The following GPC6 variants were observed in gnomAD, a reference collection of about 807,000 sequenced individuals.
GPC6 encodes the protein glypican 6.
In GPC6, 14 loss-of-function variants were observed where a neutral mutation model predicts 55.2. The observed-to-expected ratio is 0.25, with a 90% CI of 0.17 to 0.40. The LOEUF (loss-of-function observed/expected upper bound fraction) is 0.40, where lower values mean the gene tolerates loss of function less well. Ranked by LOEUF, GPC6 falls within the 10% of genes least tolerant of loss-of-function variation. The pLI, the probability that GPC6 is intolerant of heterozygous loss-of-function variation, is 1.00. For missense variants in GPC6, 641 were observed against 708.5 expected, an observed-to-expected ratio of 0.90 and a Z score of 1.08; for synonymous variants, 278 against 259.6, an observed-to-expected ratio of 1.07 and a Z score of -0.68.
intron 7 of GPC6, among the ~76,000 whole-genome samples, chr13:94,389,336 G>A (rs1319978627): frequency 6.6e-6 from 1 of 152,126 alleles, no homozygotes; most frequent in East Asian, 1.9e-4. Flanking sequence ...GGCAGTCGGT[G>A]GCCATAATGA....
chr13:93,588,697 A>T (rs1335347288), intron 2 of GPC6, among the ~76,000 whole-genome samples: 1 of 152,120 alleles, frequency 6.6e-6, no homozygotes, highest in Non-Finnish European at 1.5e-5. Flanking sequence ...AATGCCACAC[A>T]CTTTTAAATG....
chr13:94,082,899 T>C (rs1010360471), intron 4 of GPC6, among the ~76,000 whole-genome samples: 4 of 152,210 alleles, frequency 2.6e-5, no homozygotes, highest in Non-Finnish European at 4.4e-5. Flanking sequence ...GGCCAGTCTG[T>C]CCACCCAGAA....
At chr13:93,886,265 A>C (rs535994816) in intron 3 of GPC6, among the ~76,000 whole-genome samples, 1 of 152,188 alleles carries the variant, frequency 6.6e-6, no homozygotes, top group East Asian at 1.9e-4. Context: ...TAGAATGGCA[A>C]GATTACATTG....
intron 1 of GPC6, among the ~76,000 whole-genome samples, chr13:93,231,342 T>G (rs185306460): frequency 0.015 from 554 of 37,954 alleles, 10 homozygotes; most frequent in Admixed American, 0.055. Context: ...TATATATATA[T>G]ATACATATAT....
intron 3 of GPC6, among the ~76,000 whole-genome samples, chr13:93,951,261 C>T (rs1409514563): frequency 6.6e-6 from 1 of 152,054 alleles, no homozygotes; most frequent in Non-Finnish European, 1.5e-5. Context: ...CCTCACCTTG[C>T]CCAGATCAGT....
chr13:93,745,138 T>G (rs1045246521), intron 2 of GPC6, among the ~76,000 whole-genome samples: 4 of 152,090 alleles, frequency 2.6e-5, no homozygotes, highest in Admixed American at 2.6e-4. Context: ...AACCCGATCT[T>G]AGGCTCTCAA....
chr13:93,805,091 A>T (rs375793236), intron 2 of GPC6, among the ~76,000 whole-genome samples: 3 of 152,204 alleles, frequency 2.0e-5, no homozygotes, highest in Admixed American at 2.0e-4. Flanking sequence ...TTAATAGAGA[A>T]ATTGAACCAG....
chr13:93,217,175 T>C, the GPC6 span, among the ~76,000 whole-genome samples: 6 of 152,218 alleles, frequency 3.9e-5, no homozygotes, highest in Middle Eastern at 3.2e-3. Flanking sequence ...CTCTCATTCA[T>C]TATGAAAATA....
At chr13:93,672,213 A>G (rs1266098331) in intron 2 of GPC6, among the ~76,000 whole-genome samples, 8 of 144,504 alleles carry the variant, frequency 5.5e-5, no homozygotes, top group Admixed American at 7.1e-5. Context: ...GTGTGTGTGT[A>G]TATGTGTGTG....
chr13:93,573,176 A>G (rs1196425897), intron 2 of GPC6, among the ~76,000 whole-genome samples: 1 of 152,128 alleles, frequency 6.6e-6, no homozygotes. Context: ...GATAGGTTAT[A>G]TTATATTCAG....
intron 1 of GPC6, among the ~76,000 whole-genome samples, chr13:93,467,247 A>G (rs912867386): frequency 7.9e-5 from 12 of 152,222 alleles, no homozygotes; most frequent in African/African-American, 2.7e-4. Flanking sequence ...CAAGGTTGCT[A>G]TGTCATGACC....
At chr13:94,275,747 A>AG (rs74348179) in intron 4 of GPC6, among the ~76,000 whole-genome samples, 2,071 of 152,170 alleles carry the variant, frequency 0.014, 17 homozygotes, top group Non-Finnish European at 0.022. Flanking sequence ...TGAAAAAAAA[A>AG]TCCAACAGTA....
intron 1 of GPC6, among the ~76,000 whole-genome samples, chr13:93,364,989 T>C (rs1434275204): frequency 6.6e-6 from 1 of 152,054 alleles, no homozygotes. Context: ...TCTAGTGTAA[T>C]AGTCTTAGCT....
At chr13:94,390,230 C>T (rs7986090) in intron 7 of GPC6, among the ~76,000 whole-genome samples, 1 of 151,930 alleles carries the variant, frequency 6.6e-6, no homozygotes, top group Non-Finnish European at 1.5e-5. Context: ...GTGACTTGGC[C>T]GTCTTGAGGA....
intron 6 of GPC6, among the ~76,000 whole-genome samples, chr13:94,355,557 T>G (rs941417022): frequency 6.6e-6 from 1 of 152,216 alleles, no homozygotes; most frequent in African/African-American, 2.4e-5. Context: ...CTATCTCTTG[T>G]GAAAATGAAT....
In GPC6 at chr13:93,920,605, TTCAA is replaced by T. The variant is rs1348151430; in HGVS notation, c.711+90064_711+90067del. On this transcript the variant is annotated intron_variant, in intron 3 of 8. Coordinates refer to ENST00000377047, the MANE Select transcript of GPC6 (RefSeq NM_005708.5). The stretch of plus-strand genomic sequence containing the variant: ...CTAAGAAGCCTTGAATCACCTCTAA[TTCAA>T]TCAGTCTTGTTTTTCACACTCTGTA... Among the ~76,000 whole-genome samples the T allele has an allele frequency of 5.9e-5, 9 of 152,180 alleles. No individual in the cohort carries two copies. In the East Asian group the frequency reaches 1.4e-3, roughly 23 times the overall value.
chr13:94,290,838 A>G (rs7326257), intron 5 of GPC6, among the ~76,000 whole-genome samples: 80,579 of 152,054 alleles, frequency 0.53, 21,591 homozygotes, highest in African/African-American at 0.59. Flanking sequence ...TGCTGTTAAT[A>G]AAGAATGTAC....
At chr13:94,272,158 T>C (rs1258497867) in intron 4 of GPC6, among the ~76,000 whole-genome samples, 1 of 152,120 alleles carries the variant, frequency 6.6e-6, no homozygotes, top group Non-Finnish European at 1.5e-5. Context: ...ACTGAATTGC[T>C]CACTAATCAC....
intron 5 of GPC6, among the ~76,000 whole-genome samples, chr13:94,288,321 A>G (rs78600307): frequency 6.6e-6 from 1 of 151,986 alleles, no homozygotes; most frequent in Non-Finnish European, 1.5e-5. Flanking sequence ...CAGCTTCCTC[A>G]CTGGTCTCCT....
Sources: allele counts gnomAD v4.1 joint callset (sites outside exome capture counted in the v4.1 genomes callset), GRCh38; gene constraint gnomAD v4.1.1; transcripts MANE v1.5; gene names NCBI Gene and HGNC (gene_info 2026-07-23, HGNC 2026-07-21).